The following HNRNPA1L2 variants were observed in gnomAD, a reference collection of about 807,000 sequenced individuals.
HNRNPA1L2 encodes heterogeneous nuclear ribonucleoprotein A1-like 2.
HNRNPA1L2 carries 10 observed loss-of-function variants against 18.2 expected under a neutral mutation model. The observed-to-expected ratio is 0.55, with a 90% CI of 0.34 to 0.93. The LOEUF (loss-of-function observed/expected upper bound fraction) is 0.93. Ranked by LOEUF, HNRNPA1L2 falls within the 40% of genes least tolerant of loss-of-function variation. HNRNPA1L2 has a pLI of 0.02. For synonymous variants in HNRNPA1L2, 124 were observed against 138.6 expected (o/e 0.89, Z 0.74); for missense variants, 308 against 394.4 (o/e 0.78, Z 1.85).
chr13:52,630,507 G>A, the HNRNPA1L2 span, among the ~76,000 whole-genome samples: 1 of 152,096 alleles, frequency 6.6e-6, no homozygotes, highest in Non-Finnish European at 1.5e-5. Flanking sequence ...CTGACCTCAA[G>A]TGATCTGCCC....
In HNRNPA1L2 at chr13:52,643,617, T is replaced by G. The variant is rs1961740439; in HGVS notation, c.*162T>G. On this transcript the variant is annotated 3_prime_UTR_variant, in exon 1 of 1. Transcript: ENST00000357495. ...ATACTCATGTGTATGGGCAAAAAAC[T>G]CGAGGACTGTATTTGTGACTAATTG... The G allele has an allele frequency of 1.6e-6, 1 of 637,656 alleles. No individual in the cohort carries two copies. The highest frequency in any genetic ancestry group is 2.8e-6 in the Non-Finnish European group (1 of 356,854). 39.5% of individuals were successfully genotyped at this position (637,656 alleles called of 1,614,324 possible).
chr13:52,635,586 ACACACAC>A, the HNRNPA1L2 span, among the ~76,000 whole-genome samples: 22 of 47,908 alleles, frequency 4.6e-4, no homozygotes, highest in African/African-American at 1.4e-3. Flanking sequence ...ACACACACAC[ACACACAC>A]ACACACACAC....
At chr13:52,625,863 A>C in the HNRNPA1L2 span, among the ~76,000 whole-genome samples, 178 of 152,080 alleles carry the variant, frequency 1.2e-3, 1 homozygote, top group African/African-American at 4.1e-3. Flanking sequence ...CTGCAGCCTC[A>C]ACCTCCCAGG....
chr13:52,641,860 T>C (rs78876967), upstream of HNRNPA1L2: 1 of 152,158 alleles, frequency 6.6e-6, no homozygotes, highest in Admixed American at 6.5e-5. Context: ...CTCAAAATTA[T>C]TAAATAATAC....
Position 52,643,567 on chromosome 13 carries a change from TA to T in HNRNPA1L2, c.*113del, listed in dbSNP as rs1961738944. On this transcript the variant is annotated 3_prime_UTR_variant, in exon 1 of 1. Transcript: ENST00000357495. ...CACAGTGGTGGCAGGGCCTAGCTGC[TA>T]CAAAGAAGACATGTTTTAGACAAAT... 2.5e-6 allele frequency: 2 copies of T among 804,394 alleles called. No homozygotes were observed. Among genetic ancestry groups the T allele is most frequent in the African/African-American group, 3.4e-5 (2 of 59,022 alleles). The allele number at this position is 804,394 out of a possible 1,614,324, so 49.8% of individuals were successfully genotyped here. A position where few individuals can be genotyped will look rare whatever the true frequency, so the allele number is the denominator to read the frequency against.
At chr13:52,625,260 G>A in the HNRNPA1L2 span, among the ~76,000 whole-genome samples, 1 of 151,958 alleles carries the variant, frequency 6.6e-6, no homozygotes, top group East Asian at 1.9e-4. Context: ...GATTACAGGT[G>A]CACTCCACAA....
chr13:52,624,438 C>T, the HNRNPA1L2 span, among the ~76,000 whole-genome samples: 1 of 152,066 alleles, frequency 6.6e-6, no homozygotes, highest in African/African-American at 2.4e-5. Flanking sequence ...ATGACCTAGC[C>T]TTGTAATAAG....
chr13:52,642,763 T>C lies in HNRNPA1L2; in HGVS notation c.271T>C (p.Ser91Pro), dbSNP rs1442006483. The change falls in exon 1 of 1, where the codon TCC becomes CCC. Residue 91 changes from serine to proline, a missense_variant. Coordinates refer to ENST00000357495, the MANE Select transcript of HNRNPA1L2 (RefSeq NM_001389320.1). ...AGTTGTGGAACCAAAGAGAGCTGTC[T>C]CCAGAGAAGATTCTCAAAGACCAGG... The part of the protein sequence containing the change: ...GRVVEPKRAV[S>P]REDSQRPGAH... 6.3e-7 allele frequency: 1 copy of C among 1,598,372 alleles called. No homozygotes were observed. The highest frequency in any genetic ancestry group is 8.5e-7 in the Non-Finnish European group (1 of 1,179,764).
rs780717674 is a variant in HNRNPA1L2 at position 52,643,108 on chromosome 13, C to T, written c.616C>T (p.Arg206Cys). Residue 206 changes from arginine to cysteine, a missense_variant, in exon 1 of 1, where the codon CGT becomes TGT. Coordinates refer to ENST00000357495, the MANE Select transcript of HNRNPA1L2 (RefSeq NM_001389320.1). The part of the protein sequence containing the change: ...RRGSGNFGGG[R>C]GDGFGGNDNF... ...GGGTTCTGGAAACTTTGGTGGTGGT[C>T]GTGGAGATGGTTTCGGTGGGAATGA... 6 of 1,597,494 alleles carry T rather than the reference C, an allele frequency of 3.8e-6. No individual in the cohort carries two copies. The highest frequency in any genetic ancestry group is 1.1e-5 in the South Asian group (1 of 90,958).
the HNRNPA1L2 span, among the ~76,000 whole-genome samples, chr13:52,628,277 T>C: frequency 1.3e-5 from 2 of 152,098 alleles, no homozygotes; most frequent in Admixed American, 6.6e-5. Flanking sequence ...ACCCCATCTT[T>C]ACAAACCATA....
the HNRNPA1L2 span, among the ~76,000 whole-genome samples, chr13:52,618,798 A>C: frequency 1.3e-5 from 2 of 152,200 alleles, no homozygotes; most frequent in African/African-American, 4.8e-5. Flanking sequence ...AGTACTGATG[A>C]GATACTGTCA....
chr13:52,617,572 C>G, the HNRNPA1L2 span: 1 of 449,930 alleles, frequency 2.2e-6, no homozygotes, highest in African/African-American at 2.0e-5. Flanking sequence ...TTCCTAGAGT[C>G]TCGGCGTTTC....
the HNRNPA1L2 span, among the ~76,000 whole-genome samples, chr13:52,629,785 C>T: frequency 6.6e-6 from 1 of 152,252 alleles, no homozygotes; most frequent in South Asian, 2.1e-4. Flanking sequence ...GACCCACCAT[C>T]AACGAAAAGA....
At chr13:52,638,848 G>A (rs1961547350), upstream of HNRNPA1L2, among the ~76,000 whole-genome samples, 1 of 152,174 alleles carries the variant, frequency 6.6e-6, no homozygotes, top group Non-Finnish European at 1.5e-5. Context: ...GGCAGAGGGA[G>A]GAAGTAACTC....
the HNRNPA1L2 span, among the ~76,000 whole-genome samples, chr13:52,630,256 G>A: frequency 0.061 from 9,352 of 152,220 alleles, 327 homozygotes; most frequent in African/African-American, 0.095. Context: ...TCTGACAAAA[G>A]TTAACGTGTC....
At chr13:52,633,222 T>G in the HNRNPA1L2 span, among the ~76,000 whole-genome samples, 3 of 152,230 alleles carry the variant, frequency 2.0e-5, no homozygotes, top group African/African-American at 7.2e-5. Context: ...CAGCTTGCTA[T>G]CTAGAAGAGG....
rs1961702725 is a variant in HNRNPA1L2 at position 52,642,803 on chromosome 13, T to C, written c.311T>C (p.Val104Ala). 10 of 1,596,506 alleles carry C rather than the reference T, an allele frequency of 6.3e-6. No individual in the cohort carries two copies. The highest frequency in any genetic ancestry group is 8.5e-6 in the Non-Finnish European group (10 of 1,179,336). ...CAAAGACCAGGTGCCCACTTAACTG[T>C]GAAAAAGATATTTGTTGGTGGCATT... ...DSQRPGAHLT[V>A]KKIFVGGIKE... The change falls in exon 1 of 1, where the codon GTG becomes GCG. Residue 104 changes from valine (V) to alanine (A), a missense_variant. Transcript: ENST00000357495.
At chr13:52,623,155 T>C in the HNRNPA1L2 span, among the ~76,000 whole-genome samples, 1 of 152,216 alleles carries the variant, frequency 6.6e-6, no homozygotes, top group Admixed American at 6.5e-5. Context: ...CAGTTACATA[T>C]AAGTATGTGG....
At chr13:52,635,685 G>A in the HNRNPA1L2 span, among the ~76,000 whole-genome samples, 1 of 151,340 alleles carries the variant, frequency 6.6e-6, no homozygotes, top group South Asian at 2.1e-4. Flanking sequence ...TCTTAGAATT[G>A]TACATAAATG....
Sources: gnomAD v4.1 joint callset for allele counts (sites outside exome capture counted in the v4.1 genomes callset) on GRCh38, gnomAD v4.1.1 for gene constraint, MANE v1.5 for transcripts, NCBI Gene and HGNC (gene_info 2026-07-23, HGNC 2026-07-21) for gene names.